The following GRM8 variants were observed in gnomAD, a reference collection of about 807,000 sequenced individuals.
The protein encoded by GRM8 is glutamate metabotropic receptor 8, also known as metabotropic glutamate receptor 8.
GRM8 carries 47 observed loss-of-function variants against 87.2 expected under a neutral mutation model. That is an observed-to-expected ratio of 0.54 (90% CI 0.43 to 0.69). GRM8 has a LOEUF of 0.69. GRM8 is among the 30% of genes least tolerant of loss of function. The probability of loss-of-function intolerance (pLI) is 0.00; values close to 1 mark genes in which losing one functional copy is unlikely to be tolerated. For missense variants in GRM8, 1,019 were observed against 1,139.2 expected, an observed-to-expected ratio of 0.89 and a Z score of 1.52; for synonymous variants, 396 against 404.5, an observed-to-expected ratio of 0.98 and a Z score of 0.25.
chr7:126,656,522 C>G (rs1464831939), intron 7 of GRM8, among the ~76,000 whole-genome samples: 1 of 130,322 alleles, frequency 7.7e-6, no homozygotes, highest in Admixed American at 8.0e-5. Flanking sequence ...CAAAAATTAG[C>G]CAGGTTTGGT....
intron 7 of GRM8, among the ~76,000 whole-genome samples, chr7:126,656,420 TG>T (rs1804532541): frequency 6.6e-6 from 1 of 152,178 alleles, no homozygotes; most frequent in Non-Finnish European, 1.5e-5. Context: ...GGCTCACTCC[TG>T]TAAACCTAGC....
At chr7:126,447,328 G>A (rs1009317510) in intron 9 of GRM8, 2 of 151,716 alleles carry the variant, frequency 1.3e-5, no homozygotes, top group Non-Finnish European at 2.9e-5. Context: ...CATGTCCTGA[G>A]CTCAAAATAG....
At chr7:126,471,876 G>C (rs969416468) in intron 9 of GRM8, among the ~76,000 whole-genome samples, 3 of 152,104 alleles carry the variant, frequency 2.0e-5, no homozygotes, top group Admixed American at 6.6e-5. Context: ...TTGAACAGTG[G>C]TTTGTAGTTC....
At chr7:126,727,405 A>G (rs28693977) in intron 7 of GRM8, among the ~76,000 whole-genome samples, 25,830 of 151,930 alleles carry the variant, frequency 0.17, 2,530 homozygotes, top group African/African-American at 0.21. Context: ...ATAGTATATG[A>G]CTACATGGGA....
chr7:126,594,664 T>C (rs191608878), intron 8 of GRM8, among the ~76,000 whole-genome samples: 12 of 152,232 alleles, frequency 7.9e-5, no homozygotes, highest in South Asian at 2.1e-4. Flanking sequence ...TTGTACAGCA[T>C]AGTGACTATA....
At chr7:126,588,126 AC>A (rs1796338080) in intron 8 of GRM8, among the ~76,000 whole-genome samples, 1 of 152,206 alleles carries the variant, frequency 6.6e-6, no homozygotes, top group African/African-American at 2.4e-5. Flanking sequence ...ATGTAAAAAA[AC>A]ATATGTACCC....
Position 126,775,479 on chromosome 7 carries a change from G to GTT in GRM8, c.1157-5416_1157-5415dup, listed in dbSNP as rs372733476. ...TGAGCGCTATCAAGCTGACAAATAG[G>GTT]TTTTTTTTTTTTTTTTTTTTTTTTT... On this transcript the variant is annotated intron_variant, in intron 6 of 10. Transcript: ENST00000339582. Among the ~76,000 whole-genome samples the GTT allele has an allele frequency of 3.7e-3, 391 of 104,738 alleles. 20 individuals are homozygous for GTT. Among genetic ancestry groups the GTT allele is most frequent in the African/African-American group, 0.014 (312 of 23,046 alleles). 68.7% of individuals were successfully genotyped at this position (104,738 alleles called of 152,430 possible). A position where few individuals can be genotyped will look rare whatever the true frequency, so the allele number is the denominator to read the frequency against.
intron 4 of GRM8, 51 bp downstream of exon 4, chr7:126,904,497 G>C: frequency 6.5e-7 from 1 of 1,538,464 alleles, no homozygotes; most frequent in Non-Finnish European, 9.0e-7. Flanking sequence ...GTTAGAAAGA[G>C]GATATGGGAC....
At chr7:126,559,236 T>C (rs1466442753) in intron 8 of GRM8, among the ~76,000 whole-genome samples, 2 of 141,892 alleles carry the variant, frequency 1.4e-5, no homozygotes, top group Non-Finnish European at 3.0e-5. Context: ...CACTGCAACC[T>C]CCGCCTCCTG....
chr7:127,131,753 C>T (rs1827702163), intron 2 of GRM8, among the ~76,000 whole-genome samples: 2 of 151,934 alleles, frequency 1.3e-5, no homozygotes, highest in African/African-American at 4.8e-5. Context: ...AACCCATCTA[C>T]CATAATTTTG....
intron 7 of GRM8, among the ~76,000 whole-genome samples, chr7:126,716,463 C>G (rs996645493): frequency 2.7e-4 from 41 of 152,234 alleles, no homozygotes; most frequent in Admixed American, 2.6e-3. Flanking sequence ...CTATAACACC[C>G]TTTGCTCCCC....
chr7:126,823,774 T>C (rs1296149540), intron 6 of GRM8, among the ~76,000 whole-genome samples: 2 of 152,200 alleles, frequency 1.3e-5, no homozygotes, highest in Admixed American at 1.3e-4. Flanking sequence ...AAGGGCTCAG[T>C]AGGCTCACTT....
chr7:126,969,946 C>T (rs1397010952), intron 3 of GRM8, among the ~76,000 whole-genome samples: 1 of 152,052 alleles, frequency 6.6e-6, no homozygotes, highest in Non-Finnish European at 1.5e-5. Context: ...TCCATCTGAG[C>T]CCTTGGAAGA....
intron 3 of GRM8, among the ~76,000 whole-genome samples, chr7:126,970,760 G>C (rs945572559): frequency 3.9e-5 from 6 of 152,050 alleles, no homozygotes; most frequent in Admixed American, 3.9e-4. Flanking sequence ...TCCTCACCAA[G>C]CTTCATCATT....
At chr7:126,628,054 T>C (rs560258096) in intron 7 of GRM8, among the ~76,000 whole-genome samples, 14 of 152,264 alleles carry the variant, frequency 9.2e-5, no homozygotes, top group African/African-American at 2.6e-4. Context: ...CTTTTCTTTT[T>C]TTTTGTTCGA....
chr7:126,860,667 T>C (rs1275799277), intron 6 of GRM8, among the ~76,000 whole-genome samples: 2 of 152,306 alleles, frequency 1.3e-5, no homozygotes, highest in East Asian at 1.9e-4. Flanking sequence ...ACTCCAATTC[T>C]TTTAAACAGC....
intron 3 of GRM8, among the ~76,000 whole-genome samples, chr7:127,025,681 G>T (rs1816709829): frequency 6.6e-6 from 1 of 152,002 alleles, no homozygotes; most frequent in African/African-American, 2.4e-5. Flanking sequence ...CCACTCACTG[G>T]AAGTCAATAT....
intron 3 of GRM8, among the ~76,000 whole-genome samples, chr7:126,946,641 C>G (rs1807572440): frequency 6.6e-6 from 1 of 152,204 alleles, no homozygotes; most frequent in African/African-American, 2.4e-5. Context: ...CCTGTAGATA[C>G]AAGAGTGCCA....
At chr7:126,532,563 C>G (rs1814977321) in intron 9 of GRM8, among the ~76,000 whole-genome samples, 1 of 151,714 alleles carries the variant, frequency 6.6e-6, no homozygotes. Context: ...CCATGTCTGC[C>G]CTTTCTTCCT....
Sources: allele counts gnomAD v4.1 joint callset (sites outside exome capture counted in the v4.1 genomes callset), GRCh38; gene constraint gnomAD v4.1.1; transcripts MANE v1.5; gene names NCBI Gene and HGNC (gene_info 2026-07-23, HGNC 2026-07-21).